The following CDH13 variants were observed in gnomAD, a reference collection of about 807,000 sequenced individuals.
CDH13 encodes cadherin-13.
CDH13 carries 24 observed loss-of-function variants against 63.8 expected under a neutral mutation model. That is an observed-to-expected ratio of 0.38 (90% CI 0.27 to 0.53). The LOEUF (loss-of-function observed/expected upper bound fraction) is 0.53, where lower values mean the gene tolerates loss of function less well. Among genes scored for constraint, CDH13 ranks in the 20% least tolerant of loss-of-function variants. The pLI is 0.85. For synonymous variants in CDH13, 503 were observed against 355.3 expected (o/e 1.42, Z -4.67); for missense variants, 1,049 against 903.1 (o/e 1.16, Z -2.07).
At chr16:83,426,020 G>A (rs1348925855) in intron 6 of CDH13, among the ~76,000 whole-genome samples, 1 of 152,184 alleles carries the variant, frequency 6.6e-6, no homozygotes, top group East Asian at 1.9e-4. Flanking sequence ...TTCTTTTTAA[G>A]TGGAGGTGGT....
At chr16:83,340,922 A>G (rs973816282) in intron 5 of CDH13, among the ~76,000 whole-genome samples, 2 of 152,074 alleles carry the variant, frequency 1.3e-5, no homozygotes, top group African/African-American at 2.4e-5. Context: ...CAGGTCAACC[A>G]TTGAATCTAA....
At chr16:82,974,745 G>C (rs995683874) in intron 2 of CDH13, among the ~76,000 whole-genome samples, 1 of 152,162 alleles carries the variant, frequency 6.6e-6, no homozygotes, top group Non-Finnish European at 1.5e-5. Context: ...ATAGAGGAAG[G>C]GGCCAGGAGT....
At chr16:82,885,538 T>G (rs1187674808) in intron 2 of CDH13, among the ~76,000 whole-genome samples, 9 of 150,904 alleles carry the variant, frequency 6.0e-5, no homozygotes, top group African/African-American at 1.5e-4. Flanking sequence ...CATCCATCCA[T>G]CCATCCAGCC....
At chr16:83,449,386 G>A (rs1414223870) in intron 6 of CDH13, among the ~76,000 whole-genome samples, 2 of 152,168 alleles carry the variant, frequency 1.3e-5, no homozygotes, top group African/African-American at 4.8e-5. Context: ...GGGCAAAGGA[G>A]AAACGGCTCC....
intron 1 of CDH13, among the ~76,000 whole-genome samples, chr16:82,677,193 T>C (rs115332883): frequency 1.4e-3 from 215 of 152,352 alleles, no homozygotes; most frequent in African/African-American, 4.9e-3. Context: ...ACACAGTTTT[T>C]ATGCATATTG....
At chr16:83,028,759 C>G (rs1916045399) in intron 2 of CDH13, among the ~76,000 whole-genome samples, 1 of 152,118 alleles carries the variant, frequency 6.6e-6, no homozygotes, top group Non-Finnish European at 1.5e-5. Flanking sequence ...TTGTTTATTT[C>G]TGGAATTTCC....
chr16:83,126,199 C>G (rs1163694976), intron 4 of CDH13, among the ~76,000 whole-genome samples: 1 of 152,166 alleles, frequency 6.6e-6, no homozygotes, highest in Non-Finnish European at 1.5e-5. Flanking sequence ...CTCAGCAAGG[C>G]AATTTACTTC....
intron 2 of CDH13, among the ~76,000 whole-genome samples, chr16:82,981,905 C>T (rs2151387038): frequency 6.6e-6 from 1 of 152,258 alleles, no homozygotes; most frequent in Middle Eastern, 3.4e-3. Context: ...TTCTTCCTTT[C>T]CTACCCCAGC....
At chr16:83,588,735 G>T (rs550266191) in intron 7 of CDH13, among the ~76,000 whole-genome samples, 1 of 152,168 alleles carries the variant, frequency 6.6e-6, no homozygotes, top group African/African-American at 2.4e-5. Context: ...TGAAGGAAAA[G>T]GTCTGGTTGA....
intron 2 of CDH13, among the ~76,000 whole-genome samples, chr16:83,000,867 C>G (rs763432816): frequency 6.6e-6 from 1 of 152,206 alleles, no homozygotes; most frequent in African/African-American, 2.4e-5. Flanking sequence ...GCGTGAGCCA[C>G]CGCGCCTGGC....
chr16:83,227,435 G>T (rs1240551423), intron 5 of CDH13, among the ~76,000 whole-genome samples: 1 of 152,196 alleles, frequency 6.6e-6, no homozygotes, highest in African/African-American at 2.4e-5. Context: ...GAATAATGTT[G>T]TGATGGGGGC....
chr16:83,451,505 CT>C (rs998213808), intron 6 of CDH13, among the ~76,000 whole-genome samples: 4 of 152,230 alleles, frequency 2.6e-5, no homozygotes, highest in South Asian at 2.1e-4. Flanking sequence ...CCATACCACT[CT>C]TTTTTTCTTT....
At chr16:82,768,346 A>C (rs1307080958) in intron 1 of CDH13, among the ~76,000 whole-genome samples, 2 of 152,136 alleles carry the variant, frequency 1.3e-5, no homozygotes, top group African/African-American at 4.8e-5. Context: ...AGTTTCATTG[A>C]TATTGTGGGA....
chr16:82,920,076 G>T (rs1477592839), intron 2 of CDH13, among the ~76,000 whole-genome samples: 1 of 152,200 alleles, frequency 6.6e-6, no homozygotes, highest in Non-Finnish European at 1.5e-5. Flanking sequence ...AAATCAAAGT[G>T]GCTGAAGCAA....
At chr16:83,315,657 C>G (rs1390968292) in intron 5 of CDH13, among the ~76,000 whole-genome samples, 2 of 151,374 alleles carry the variant, frequency 1.3e-5, no homozygotes, top group Non-Finnish European at 2.9e-5. Flanking sequence ...AAAAAAACAG[C>G]TCTAAGAAAA....
chr16:83,773,770 C>T (rs1474773915), intron 11 of CDH13, among the ~76,000 whole-genome samples: 2 of 152,182 alleles, frequency 1.3e-5, no homozygotes, highest in Non-Finnish European at 1.5e-5. Flanking sequence ...AGCCTTGCCT[C>T]AAACCCAGGG....
At chr16:82,869,013 T>C (rs2040251888) in intron 2 of CDH13, among the ~76,000 whole-genome samples, 3 of 152,198 alleles carry the variant, frequency 2.0e-5, no homozygotes, top group Admixed American at 2.0e-4. Context: ...GGGCTAAATA[T>C]TAATCTATGT....
intron 5 of CDH13, among the ~76,000 whole-genome samples, chr16:83,276,297 C>T (rs966970218): frequency 4.6e-5 from 7 of 152,234 alleles, no homozygotes; most frequent in East Asian, 1.9e-4. Flanking sequence ...GCAGCCCTAT[C>T]ATTCTACAAG....
At chr16:82,820,168 G>T (rs991877882) in intron 1 of CDH13, among the ~76,000 whole-genome samples, 1 of 152,132 alleles carries the variant, frequency 6.6e-6, no homozygotes, top group Non-Finnish European at 1.5e-5. Context: ...AAATATCATT[G>T]ATTTGTTTTT....
Sources: allele counts gnomAD v4.1 joint callset (sites outside exome capture counted in the v4.1 genomes callset), GRCh38; gene constraint gnomAD v4.1.1; transcripts MANE v1.5; gene names NCBI Gene and HGNC (gene_info 2026-07-23, HGNC 2026-07-21).